TAB3: variants seen among roughly 807,000 people sequenced by gnomAD.
The protein encoded by TAB3 is TGF-beta activated kinase 1 (MAP3K7) binding protein 3, also known as TGF-beta-activated kinase 1 and MAP3K7-binding protein 3.
In TAB3, 18 loss-of-function variants were observed where a neutral mutation model predicts 48.1. That is an observed-to-expected ratio of 0.37 (90% CI 0.26 to 0.55). TAB3 has a LOEUF of 0.55. TAB3 is among the 20% of genes least tolerant of loss of function. The probability of loss-of-function intolerance (pLI) is 0.78; values close to 1 mark genes in which losing one functional copy is unlikely to be tolerated. For missense variants in TAB3, 414 were observed against 549.8 expected, an observed-to-expected ratio of 0.75 and a Z score of 2.47; for synonymous variants, 185 against 190.2, an observed-to-expected ratio of 0.97 and a Z score of 0.22.
chrX:30,860,730 T>C (rs1488371313), intron 4 of TAB3, among the ~76,000 whole-genome samples: 1 of 111,877 alleles, frequency 8.9e-6, no homozygotes, highest in Non-Finnish European at 1.9e-5. Flanking sequence ...GATCCTATAC[T>C]AAAAGGGAAA....
intron 9 of TAB3, among the ~76,000 whole-genome samples, chrX:30,837,798 T>A (rs1309481618): frequency 8.9e-6 from 1 of 112,613 alleles, no homozygotes; most frequent in Non-Finnish European, 1.9e-5. Context: ...AGCTTTATAG[T>A]TTAACTTTTA....
chrX:30,857,300 T>C lies in TAB3; in HGVS notation c.103-1738A>G, dbSNP rs183164870. On this transcript the variant is annotated intron_variant, in intron 5 of 10. Transcript: ENST00000288422. ...AAGATTTGAATTATTTTTACCTTGC[T>C]TGAAAATCGTATTGAGCAAGGAAGG... is the stretch of plus-strand genomic sequence containing the variant. 2.7e-3 allele frequency among the ~76,000 whole-genome samples: 306 copies of C among 111,859 alleles called. 1 individual carries two copies. The highest frequency in any genetic ancestry group is 4.4e-3 in the Non-Finnish European group (234 of 53,051).
intron 7 of TAB3, among the ~76,000 whole-genome samples, chrX:30,851,369 T>A (rs1055669956): frequency 2.7e-5 from 3 of 111,757 alleles, no homozygotes; most frequent in African/African-American, 9.8e-5. Flanking sequence ...CTCATGCTTA[T>A]GCCAGGGAAC....
At chrX:30,879,629 A>G (rs1939939955) in intron 1 of TAB3, among the ~76,000 whole-genome samples, 1 of 111,967 alleles carries the variant, frequency 8.9e-6, no homozygotes, top group South Asian at 3.7e-4. Flanking sequence ...AAAAAATTAA[A>G]GTAAACATCA....
intron 1 of TAB3, among the ~76,000 whole-genome samples, chrX:30,878,516 A>AAAAAAAAG (rs57251085): frequency 6.7e-4 from 53 of 79,523 alleles, no homozygotes; most frequent in Non-Finnish European, 9.2e-4. Context: ...AAAAAAAAAA[A>AAAAAAAAG]AAAGAAAGAA....
At position 30,828,517 on chromosome X, in the gene TAB3, A is replaced by G. The variant is rs945978123; in HGVS notation, c.*2910T>C. Reference sequence around the variant, plus strand: ...TTCCAAACAAAGTCAATATCAATTCAAAACATTTTACAATGCTTAAAAAGT... The same window carrying G: ...TTCCAAACAAAGTCAATATCAATTCGAAACATTTTACAATGCTTAAAAAGT... On this transcript the variant is annotated 3_prime_UTR_variant, in exon 11 of 11. Coordinates refer to ENST00000288422, the MANE Select transcript of TAB3 (RefSeq NM_152787.5). 6 of 112,945 alleles carry G rather than the reference A, an allele frequency of 5.3e-5. No homozygotes were observed. Among genetic ancestry groups the G allele is most frequent in the African/African-American group, 1.9e-4 (6 of 30,923 alleles). 9.3% of individuals were successfully genotyped at this position (112,945 alleles called of 1,213,427 possible).
At chrX:30,882,649 A>G (rs1198226976) in intron 1 of TAB3, among the ~76,000 whole-genome samples, 1 of 111,967 alleles carries the variant, frequency 8.9e-6, no homozygotes, top group Non-Finnish European at 1.9e-5. Context: ...TGGCTTTACA[A>G]CCACAGAAAT....
chrX:30,837,112 G>A (rs1311029851), intron 9 of TAB3, among the ~76,000 whole-genome samples: 2 of 95,791 alleles, frequency 2.1e-5, no homozygotes, highest in Admixed American at 1.3e-4. Context: ...GCAGTGGTGC[G>A]ATCTCGGCTC....
intron 5 of TAB3, among the ~76,000 whole-genome samples, chrX:30,857,974 C>T (rs915333373): frequency 9.0e-6 from 1 of 111,531 alleles, no homozygotes; most frequent in Non-Finnish European, 1.9e-5. Context: ...CAGAGTGAGG[C>T]TCTAAGGCTT....
At chrX:30,868,512 ATAGCT>A (rs1247885637) in intron 2 of TAB3, among the ~76,000 whole-genome samples, 3 of 6,078 alleles carry the variant, frequency 4.9e-4, no homozygotes, top group African/African-American at 3.3e-3. Flanking sequence ...ATATATATAT[ATAGCT>A]TATATATATA....
At chrX:30,870,027 T>C (rs1276159008) in intron 2 of TAB3, among the ~76,000 whole-genome samples, 1 of 112,422 alleles carries the variant, frequency 8.9e-6, no homozygotes, top group Non-Finnish European at 1.9e-5. Flanking sequence ...ATATTTTAAG[T>C]TATACAAGGA....
intron 1 of TAB3, among the ~76,000 whole-genome samples, chrX:30,886,055 T>G (rs767783795): frequency 8.9e-5 from 10 of 112,139 alleles, no homozygotes; most frequent in Non-Finnish European, 1.3e-4. Context: ...GTTGGACAAA[T>G]AGAACTGTCC....
At position 30,867,530 on chromosome X, in the gene TAB3, C is replaced by A. The variant is rs1290668081; in HGVS notation, c.-260G>T. 1 of 111,811 alleles carries A rather than the reference C, an allele frequency of 8.9e-6. No homozygotes were observed. The highest frequency in any genetic ancestry group is 2.8e-4 in the East Asian group (1 of 3,582). The allele number at this position is 111,811 out of a possible 1,213,427, so 9.2% of individuals were successfully genotyped here. A position where few individuals can be genotyped will look rare whatever the true frequency, so the allele number is the denominator to read the frequency against. Reference sequence around the variant, plus strand: ...ACATCTCCAGCTCTGAAAGCAACTTCTTTTCAGTAGTCTAGAAATCTGAGA... The same window carrying A: ...ACATCTCCAGCTCTGAAAGCAACTTATTTTCAGTAGTCTAGAAATCTGAGA... On this transcript the variant is annotated 5_prime_UTR_variant, in exon 3 of 11. Transcript: ENST00000288422.
chrX:30,866,737 C>T (rs965017886), intron 4 of TAB3, among the ~76,000 whole-genome samples: 6 of 109,454 alleles, frequency 5.5e-5, no homozygotes, highest in Admixed American at 9.8e-5. Flanking sequence ...GGGGGAGCCT[C>T]CCATGCAGAA....
chrX:30,844,440 GA>G (rs1938558016), intron 8 of TAB3: 1 of 111,988 alleles, frequency 8.9e-6, no homozygotes, highest in African/African-American at 3.2e-5. Flanking sequence ...TGTATTAATT[GA>G]ATCTTTTTAT....
At chrX:30,846,402 G>T in intron 8 of TAB3, 149 bp downstream of exon 8, 1 of 412,409 alleles carries the variant, frequency 2.4e-6, no homozygotes, top group Non-Finnish European at 4.0e-6. Context: ...TCTGATCCAT[G>T]ACCATGGGAC....
chrX:30,875,287 T>A lies in TAB3; in HGVS notation c.-382-3486A>T, dbSNP rs191346508. Among the ~76,000 whole-genome samples, 60 of 112,401 alleles carry A rather than the reference T, an allele frequency of 5.3e-4. 1 individual carries two copies. Among genetic ancestry groups the A allele is most frequent in the African/African-American group, 1.8e-3 (56 of 30,910 alleles). On this transcript the variant is annotated intron_variant, in intron 1 of 10. Transcript: ENST00000288422. ...AGGTGTGGGACGACAGACGAGTTACTTAACCTCTTAGGCCCAGTTTCCTAA... is the reference window on the plus strand; with the variant it reads ...AGGTGTGGGACGACAGACGAGTTACATAACCTCTTAGGCCCAGTTTCCTAA...
chrX:30,850,175 C>T (rs962343731), intron 7 of TAB3, among the ~76,000 whole-genome samples: 9 of 111,517 alleles, frequency 8.1e-5, no homozygotes, highest in Non-Finnish European at 9.4e-5. Context: ...TGTCCCTCTG[C>T]TGTGTACTAC....
Position 30,854,838 on chromosome X carries a change from T to G in TAB3, c.827A>C (p.Gln276Pro), listed in dbSNP as rs766852468. 1.1e-5 allele frequency: 13 copies of G among 1,211,146 alleles called. No homozygotes were observed. The highest frequency in any genetic ancestry group is 1.5e-5 in the Non-Finnish European group (13 of 895,343). Reference protein sequence around the residue: ...LPVYPHQQNYQPSQYSPKQQQ... With the variant: ...LPVYPHQQNYPPSQYSPKQQQ... ...CTGTTTGGGAGAATACTGAGAAGGC[T>G]GATAGTTCTGTTGGTGTGGATAAAC... Residue 276 changes from glutamine (Q) to proline (P), a missense_variant, in exon 6 of 11, where the codon CAG becomes CCG. Physicochemically the swap from Gln to Pro is moderately conservative, Grantham distance 76. Transcript: ENST00000288422.
Sources: allele counts gnomAD v4.1 joint callset (sites outside exome capture counted in the v4.1 genomes callset), GRCh38; gene constraint gnomAD v4.1.1; transcripts MANE v1.5; gene names NCBI Gene and HGNC (gene_info 2026-07-23, HGNC 2026-07-21).